Variants in FOXP2 observed in about 807,000 individuals in gnomAD.
FOXP2 encodes the protein forkhead box protein P2.
In FOXP2, 12 loss-of-function variants were observed where a neutral mutation model predicts 115.8. That is an observed-to-expected ratio of 0.10 (90% confidence interval 0.07 to 0.17). The LOEUF (loss-of-function observed/expected upper bound fraction) is 0.17. Ranked by LOEUF, FOXP2 falls within the 10% of genes least tolerant of loss-of-function variation. The pLI is 1.00. For synonymous variants in FOXP2, 328 were observed against 297.7 expected (o/e 1.10, Z -1.05); for missense variants, 629 against 843.5 (o/e 0.75, Z 3.15).
chr7:114,429,481 C>G (rs7785701), intron 2 of FOXP2, among the ~76,000 whole-genome samples: 95,376 of 151,090 alleles, frequency 0.63, 31,558 homozygotes, highest in African/African-American at 0.84. Context: ...AATATATGGA[C>G]GTAGCATATT....
At chr7:114,671,785 A>G (rs147423952) in intron 16 of FOXP2, among the ~76,000 whole-genome samples, 1 of 152,356 alleles carries the variant, frequency 6.6e-6, no homozygotes, top group Admixed American at 6.5e-5. Context: ...CATTTAATAA[A>G]TAAAGAGACT....
intron 3 of FOXP2, among the ~76,000 whole-genome samples, chr7:114,554,828 T>A (rs531884926): frequency 6.6e-6 from 1 of 152,338 alleles, no homozygotes; most frequent in South Asian, 2.1e-4. Flanking sequence ...AATGCTTAAA[T>A]TCTAATTTTG....
At chr7:114,538,423 T>A in intron 3 of FOXP2, 1 of 1,188,336 alleles carries the variant, frequency 8.4e-7, no homozygotes, top group Non-Finnish European at 1.1e-6. Flanking sequence ...GAATATTAGT[T>A]TTTAGCATTG....
chr7:114,638,854 T>G (rs566615005), intron 6 of FOXP2, among the ~76,000 whole-genome samples: 1 of 152,300 alleles, frequency 6.6e-6, no homozygotes, highest in South Asian at 2.1e-4. Context: ...CTGCCTCTTA[T>G]CTATTATATA....
At chr7:114,498,588 T>A (rs1021108707) in intron 2 of FOXP2, among the ~76,000 whole-genome samples, 1 of 152,152 alleles carries the variant, frequency 6.6e-6, no homozygotes, top group African/African-American at 2.4e-5. Context: ...AACAGAATAT[T>A]AACAGTCTGT....
At chr7:114,644,316 G>T (rs1247040013) in intron 7 of FOXP2, among the ~76,000 whole-genome samples, 2 of 152,080 alleles carry the variant, frequency 1.3e-5, no homozygotes, top group African/African-American at 4.8e-5. Context: ...TCTTATGATG[G>T]CTGTCCTATT....
chr7:114,253,309 C>T (rs1795505136), intron 1 of FOXP2, among the ~76,000 whole-genome samples: 1 of 151,936 alleles, frequency 6.6e-6, no homozygotes, highest in South Asian at 2.1e-4. Flanking sequence ...CTATTAGGTC[C>T]ACTTGGTGCA....
At chr7:114,225,708 C>T (rs766806526) in intron 1 of FOXP2, among the ~76,000 whole-genome samples, 6 of 152,190 alleles carry the variant, frequency 3.9e-5, no homozygotes, top group East Asian at 3.9e-4. Flanking sequence ...CTGTCTTGGC[C>T]GCCCAAAGTG....
chr7:114,151,517 C>T (rs1792528051), intron 1 of FOXP2, among the ~76,000 whole-genome samples: 1 of 151,906 alleles, frequency 6.6e-6, no homozygotes, highest in African/African-American at 2.4e-5. Context: ...TGTTCTTAAT[C>T]ATAGAGAATT....
At chr7:114,512,027 C>T (rs979015761) in intron 2 of FOXP2, among the ~76,000 whole-genome samples, 5 of 152,034 alleles carry the variant, frequency 3.3e-5, no homozygotes, top group Non-Finnish European at 4.4e-5. Context: ...CATTTATCAG[C>T]TGGAAATGAT....
chr7:114,502,380 T>C (rs775993491), intron 2 of FOXP2, among the ~76,000 whole-genome samples: 6 of 152,128 alleles, frequency 3.9e-5, no homozygotes, highest in Non-Finnish European at 8.8e-5. Flanking sequence ...TGTTCTTATC[T>C]ATCCCAAATT....
At chr7:114,602,998 T>C (rs1260500896) in intron 3 of FOXP2, among the ~76,000 whole-genome samples, 2 of 152,162 alleles carry the variant, frequency 1.3e-5, no homozygotes, top group African/African-American at 4.8e-5. Flanking sequence ...GTTGACAACT[T>C]GAGTACAAGA....
chr7:114,374,945 G>A (rs188881049), intron 2 of FOXP2, among the ~76,000 whole-genome samples: 112 of 152,202 alleles, frequency 7.4e-4, no homozygotes, highest in Non-Finnish European at 1.4e-3. Flanking sequence ...GTCTTCAATT[G>A]AAAACGTGAA....
At chr7:114,294,895 C>A (rs1436936592) in intron 2 of FOXP2, among the ~76,000 whole-genome samples, 1 of 151,284 alleles carries the variant, frequency 6.6e-6, no homozygotes, top group Admixed American at 6.6e-5. Flanking sequence ...TACATACATA[C>A]ATGCATGCAT....
chr7:114,328,030 C>T (rs935478910), intron 2 of FOXP2, among the ~76,000 whole-genome samples: 1 of 151,638 alleles, frequency 6.6e-6, no homozygotes, highest in Non-Finnish European at 1.5e-5. Flanking sequence ...CATCAATCCC[C>T]CCACCTCAGC....
In FOXP2 at chr7:114,406,754, G is replaced by A. The variant is rs192365409; in HGVS notation, c.-10-19748G>A. Among the ~76,000 whole-genome samples the A allele has an allele frequency of 4.0e-3, 602 of 151,940 alleles. 1 individual carries two copies. The highest frequency in any genetic ancestry group is 5.4e-3 in the Non-Finnish European group (363 of 67,814). On this transcript the variant is annotated intron_variant, in intron 2 of 17. Coordinates refer to the FOXP2 transcript ENST00000634411. ...ATAATGTCTCCTTCGAGGCATAAAA[G>A]CACTCTTTATATATTTATTCTTTAT...
intron 3 of FOXP2, among the ~76,000 whole-genome samples, chr7:114,571,567 G>A (rs1003165655): frequency 6.6e-6 from 1 of 151,794 alleles, no homozygotes; most frequent in South Asian, 2.1e-4. Context: ...TGTATCTGTG[G>A]ATTCAACCAA....
chr7:114,108,371 T>C (rs1298774455), intron 1 of FOXP2, among the ~76,000 whole-genome samples: 2 of 151,970 alleles, frequency 1.3e-5, no homozygotes, highest in Non-Finnish European at 2.9e-5. Context: ...ATTCAGAGGC[T>C]GGTTTCCTAA....
At position 114,691,571 on chromosome 7, in the gene FOXP2, A is replaced by C. The variant is rs1377807050; in HGVS notation, c.*1645A>C. On this transcript the variant is annotated 3_prime_UTR_variant, in exon 17 of 17. Coordinates refer to ENST00000350908, the MANE Select transcript of FOXP2 (RefSeq NM_014491.4). ...ATGATAATGAGTTATGATGTAGTTG[A>C]AAATAGCATAGTCAGATGTTTGCTT... 6.6e-6 allele frequency: 3 copies of C among 453,894 alleles called. No individual in the cohort carries two copies. Among genetic ancestry groups the C allele is most frequent in the Non-Finnish European group, 1.3e-5 (3 of 226,768 alleles). 28.1% of individuals were successfully genotyped at this position (453,894 alleles called of 1,614,324 possible). A position where few individuals can be genotyped will look rare whatever the true frequency, so the allele number is the denominator to read the frequency against.
Sources: allele counts gnomAD v4.1 joint callset (sites outside exome capture counted in the v4.1 genomes callset), GRCh38; gene constraint gnomAD v4.1.1; transcripts MANE v1.5; gene names NCBI Gene and HGNC (gene_info 2026-07-23, HGNC 2026-07-21).